The following EXT1 variants were observed in gnomAD, a reference collection of about 807,000 sequenced individuals.
The protein encoded by EXT1 is exostosin glycosyltransferase 1.
A neutral mutation model predicts 82.5 loss-of-function variants in EXT1; 20 were observed. The ratio of observed to expected loss-of-function variants is 0.24; its 90% CI spans 0.17 to 0.35. The LOEUF (loss-of-function observed/expected upper bound fraction) is 0.35. Among genes scored for constraint, EXT1 ranks in the 10% least tolerant of loss-of-function variants. EXT1 has a pLI of 1.00. For missense variants in EXT1, 757 were observed against 936.5 expected (o/e 0.81, Z 2.50); for synonymous variants, 348 against 350.8 (o/e 0.99, Z 0.09).
At chr8:118,011,941 G>C (rs555590957) in intron 1 of EXT1, among the ~76,000 whole-genome samples, 1 of 152,272 alleles carries the variant, frequency 6.6e-6, no homozygotes, top group East Asian at 1.9e-4. Context: ...GAGAGCGCGA[G>C]AGAACATGGG....
chr8:117,888,968 C>T (rs773781044), intron 1 of EXT1, among the ~76,000 whole-genome samples: 41 of 152,162 alleles, frequency 2.7e-4, no homozygotes, highest in Admixed American at 1.8e-3. Flanking sequence ...GATATTCCTA[C>T]GGTCAACCAA....
intron 8 of EXT1, among the ~76,000 whole-genome samples, chr8:117,809,686 A>T (rs2129710548): frequency 6.6e-6 from 1 of 151,828 alleles, no homozygotes; most frequent in Middle Eastern, 3.5e-3. Context: ...GGTGGAACCG[A>T]CATTAAGAAA....
At chr8:117,889,535 C>T (rs1232757384) in intron 1 of EXT1, among the ~76,000 whole-genome samples, 1 of 152,162 alleles carries the variant, frequency 6.6e-6, no homozygotes, top group Non-Finnish European at 1.5e-5. Context: ...GAGCCTGGAT[C>T]AGGGGAGCCC....
chr8:118,003,636 G>A (rs895863607), intron 1 of EXT1, among the ~76,000 whole-genome samples: 3 of 151,910 alleles, frequency 2.0e-5, no homozygotes, highest in African/African-American at 7.3e-5. Context: ...TAATTTCATT[G>A]CTATACAATT....
chr8:118,010,709 C>T (rs1815882005), intron 1 of EXT1, among the ~76,000 whole-genome samples: 1 of 152,206 alleles, frequency 6.6e-6, no homozygotes, highest in Admixed American at 6.5e-5. Flanking sequence ...GGCATCAATT[C>T]TCACTGGCAA....
intron 1 of EXT1, among the ~76,000 whole-genome samples, chr8:117,971,098 A>T (rs1266276980): frequency 6.6e-6 from 1 of 152,164 alleles, no homozygotes; most frequent in Non-Finnish European, 1.5e-5. Flanking sequence ...GTGTGCACAT[A>T]GCTTGCCTCT....
At chr8:118,043,522 C>T (rs1224012655) in intron 1 of EXT1, among the ~76,000 whole-genome samples, 1 of 152,186 alleles carries the variant, frequency 6.6e-6, no homozygotes, top group Non-Finnish European at 1.5e-5. Flanking sequence ...ATTTACACAG[C>T]CCACATCACA....
At position 117,910,927 on chromosome 8, in the gene EXT1, G is replaced by C. The variant is rs187771791; in HGVS notation, c.963-73726C>G. Among the ~76,000 whole-genome samples, 6 of 152,344 alleles carry C rather than the reference G, an allele frequency of 3.9e-5. No individual in the cohort carries two copies. The East Asian group carries it at 1.2e-3, about 29-fold the overall frequency. On this transcript the variant is annotated intron_variant, in intron 1 of 10. Coordinates refer to ENST00000378204, the MANE Select transcript of EXT1 (RefSeq NM_000127.3). ...AATGTAACCACAGACAGGCCAATGA[G>C]GCCTAAATCTGTTAGATGTCAGGCT...
intron 1 of EXT1, 63 bp from the exon 2 acceptor site, chr8:117,837,264 A>G: frequency 7.4e-7 from 1 of 1,357,016 alleles, no homozygotes; most frequent in South Asian, 1.2e-5. Flanking sequence ...GATATTGACC[A>G]TAGGTGGGCG....
At chr8:118,022,481 G>A (rs992584433) in intron 1 of EXT1, among the ~76,000 whole-genome samples, 5 of 150,560 alleles carry the variant, frequency 3.3e-5, no homozygotes, top group African/African-American at 1.2e-4. Flanking sequence ...GGGATTATAG[G>A]CGCATGCCAC....
chr8:117,959,223 T>C (rs1814648287), intron 1 of EXT1, among the ~76,000 whole-genome samples: 1 of 152,144 alleles, frequency 6.6e-6, no homozygotes, highest in Non-Finnish European at 1.5e-5. Flanking sequence ...ACAGGCAGCT[T>C]TTCCCGCAGG....
intron 1 of EXT1, among the ~76,000 whole-genome samples, chr8:118,021,772 C>T (rs896749749): frequency 6.6e-6 from 1 of 152,210 alleles, no homozygotes; most frequent in Non-Finnish European, 1.5e-5. Flanking sequence ...CCCCAGACTA[C>T]ACAGGTTCTT....
chr8:118,020,209 C>T (rs2129855418), intron 1 of EXT1, among the ~76,000 whole-genome samples: 1 of 152,300 alleles, frequency 6.6e-6, no homozygotes, highest in East Asian at 1.9e-4. Context: ...CTAGAGGATG[C>T]AATCGACCCA....
chr8:118,033,697 C>G (rs1438025840), intron 1 of EXT1, among the ~76,000 whole-genome samples: 1 of 152,170 alleles, frequency 6.6e-6, no homozygotes, highest in Non-Finnish European at 1.5e-5. Context: ...CCTGATTGGT[C>G]TCCAACTCCT....
At chr8:118,014,591 TTTTTTC>T (rs1376510312) in intron 1 of EXT1, among the ~76,000 whole-genome samples, 1 of 152,136 alleles carries the variant, frequency 6.6e-6, no homozygotes, top group Non-Finnish European at 1.5e-5. Flanking sequence ...ATCCTTCTTC[TTTTTTC>T]TTTTTAATTT....
intron 1 of EXT1, among the ~76,000 whole-genome samples, chr8:117,973,841 GA>G (rs1815001037): frequency 7.5e-6 from 1 of 132,908 alleles, no homozygotes; most frequent in Non-Finnish European, 1.6e-5. Context: ...GAAAGGAAAG[GA>G]AAGGAAAGGA....
chr8:117,806,200 G>A (rs541446606), intron 9 of EXT1, among the ~76,000 whole-genome samples: 24 of 152,264 alleles, frequency 1.6e-4, no homozygotes, highest in African/African-American at 5.5e-4. Flanking sequence ...TAGGGCTTCT[G>A]CTTCAACTCT....
At chr8:118,028,932 A>G (rs1816251014) in intron 1 of EXT1, among the ~76,000 whole-genome samples, 1 of 152,204 alleles carries the variant, frequency 6.6e-6, no homozygotes, top group Admixed American at 6.5e-5. Flanking sequence ...CAAAGAAAAA[A>G]AATAAATAAA....
chr8:118,111,106 T>A lies in EXT1; in HGVS notation c.-60A>T. ...CACAAGAATCACCCAAGTTTCCCAA[T>A]CAACACTTTCAGCTCCAGTCCGCCA... On this transcript the variant is annotated 5_prime_UTR_variant, in exon 1 of 11. Coordinates refer to ENST00000378204, the MANE Select transcript of EXT1 (RefSeq NM_000127.3). 2.6e-6 allele frequency: 4 copies of A among 1,537,738 alleles called. No individual in the cohort carries two copies. In the South Asian group the frequency reaches 4.7e-5, roughly 18 times the overall value.
Sources: gnomAD v4.1 joint callset for allele counts (sites outside exome capture counted in the v4.1 genomes callset) on GRCh38, gnomAD v4.1.1 for gene constraint, MANE v1.5 for transcripts, NCBI Gene and HGNC (gene_info 2026-07-23, HGNC 2026-07-21) for gene names.